The following LUZP2 variants were observed in gnomAD, a reference collection of about 807,000 sequenced individuals.
LUZP2 encodes the protein leucine zipper protein 2.
In LUZP2, 52 loss-of-function variants were observed where a neutral mutation model predicts 51.6. The ratio of observed to expected loss-of-function variants is 1.01; its 90% CI spans 0.81 to 1.27. The LOEUF is 1.27. Ranked by LOEUF, LUZP2 falls within the 50% of genes most tolerant of loss-of-function variation. The pLI is 0.00. For synonymous variants in LUZP2, 154 were observed against 137.3 expected (o/e 1.12, Z -0.85); for missense variants, 436 against 395.4 (o/e 1.10, Z -0.87).
chr11:24,741,525 T>A (rs1362563980), intron 4 of LUZP2, among the ~76,000 whole-genome samples: 1 of 151,898 alleles, frequency 6.6e-6, no homozygotes, highest in Non-Finnish European at 1.5e-5. Context: ...CCAAGCAGTA[T>A]ACACTGCATC....
At chr11:25,058,662 G>A (rs1330728980) in intron 10 of LUZP2, among the ~76,000 whole-genome samples, 1 of 152,180 alleles carries the variant, frequency 6.6e-6, no homozygotes, top group Non-Finnish European at 1.5e-5. Context: ...TATTTGTATT[G>A]TAAATTAAGG....
chr11:24,823,550 A>C (rs1272345427), intron 5 of LUZP2, among the ~76,000 whole-genome samples: 2 of 150,086 alleles, frequency 1.3e-5, no homozygotes, highest in African/African-American at 4.8e-5. Flanking sequence ...TTCATTTGTG[A>C]AGAATGGATT....
chr11:24,892,740 T>C (rs1450201848), intron 5 of LUZP2: 1 of 152,466 alleles, frequency 6.6e-6, no homozygotes, highest in East Asian at 1.9e-4. Flanking sequence ...TTATTTTAAC[T>C]AACATTTTTG....
intron 1 of LUZP2, among the ~76,000 whole-genome samples, chr11:24,691,717 A>T (rs933278360): frequency 6.6e-6 from 1 of 152,084 alleles, no homozygotes; most frequent in African/African-American, 2.4e-5. Flanking sequence ...AAGGAGACTT[A>T]ACAAGTTGTT....
chr11:25,016,692 G>T (rs966895070), intron 9 of LUZP2, among the ~76,000 whole-genome samples: 3 of 151,906 alleles, frequency 2.0e-5, no homozygotes, highest in African/African-American at 7.3e-5. Context: ...CACTTAGTTT[G>T]GTTTCATAGC....
intron 1 of LUZP2, among the ~76,000 whole-genome samples, chr11:24,700,508 T>C (rs1285039828): frequency 2.0e-5 from 3 of 152,150 alleles, no homozygotes; most frequent in Admixed American, 6.6e-5. Context: ...ATCTAACATA[T>C]GTATTTTACG....
chr11:24,533,242 T>A (rs533935107), intron 1 of LUZP2, among the ~76,000 whole-genome samples: 1 of 151,266 alleles, frequency 6.6e-6, no homozygotes, highest in Non-Finnish European at 1.5e-5. Context: ...TTAAGAAGCT[T>A]GATTCAATTC....
At chr11:25,038,279 C>T (rs1330781814) in intron 9 of LUZP2, among the ~76,000 whole-genome samples, 1 of 151,876 alleles carries the variant, frequency 6.6e-6, no homozygotes, top group Non-Finnish European at 1.5e-5. Context: ...AGATTCTTTC[C>T]TCAGCTTGGT....
At chr11:24,996,314 C>T (rs1050829567) in intron 9 of LUZP2, among the ~76,000 whole-genome samples, 1 of 151,194 alleles carries the variant, frequency 6.6e-6, no homozygotes, top group African/African-American at 2.4e-5. Flanking sequence ...CTATCTTTCT[C>T]TCTCTCTCTC....
At chr11:24,822,533 G>A (rs1302002369) in intron 5 of LUZP2, among the ~76,000 whole-genome samples, 1 of 152,070 alleles carries the variant, frequency 6.6e-6, no homozygotes, top group African/African-American at 2.4e-5. Flanking sequence ...TTATAAGAAT[G>A]TCATTACACA....
chr11:24,734,589 A>G (rs1858855963), intron 3 of LUZP2, among the ~76,000 whole-genome samples: 1 of 151,896 alleles, frequency 6.6e-6, no homozygotes, highest in Non-Finnish European at 1.5e-5. Context: ...GGAAGACTCA[A>G]TAAATTATAA....
intron 5 of LUZP2, among the ~76,000 whole-genome samples, chr11:24,885,212 C>T (rs1265725345): frequency 6.6e-6 from 1 of 152,016 alleles, no homozygotes; most frequent in African/African-American, 2.4e-5. Flanking sequence ...GATGTCAAAG[C>T]CCTCAACCTT....
At chr11:24,818,517 G>A (rs1190021464) in intron 5 of LUZP2, among the ~76,000 whole-genome samples, 1 of 151,934 alleles carries the variant, frequency 6.6e-6, no homozygotes, top group East Asian at 1.9e-4. Flanking sequence ...TATCTATGTT[G>A]AAAGCATGCG....
intron 10 of LUZP2, among the ~76,000 whole-genome samples, chr11:25,056,870 G>A (rs1858699689): frequency 6.6e-6 from 1 of 152,156 alleles, no homozygotes; most frequent in Non-Finnish European, 1.5e-5. Flanking sequence ...GGAGCCCAAG[G>A]TGGGCAGATC....
At chr11:25,042,733 G>A (rs796884330) in intron 9 of LUZP2, among the ~76,000 whole-genome samples, 4 of 152,174 alleles carry the variant, frequency 2.6e-5, no homozygotes, top group African/African-American at 9.6e-5. Context: ...GGGGATACCT[G>A]GGCTTGTGGC....
chr11:24,526,144 T>C (rs1488765241), intron 1 of LUZP2, among the ~76,000 whole-genome samples: 3 of 139,348 alleles, frequency 2.2e-5, no homozygotes, highest in African/African-American at 9.1e-5. Flanking sequence ...ACTAAGTTTA[T>C]CTGTTTCTGT....
chr11:24,685,535 G>A (rs1404211521), intron 1 of LUZP2, among the ~76,000 whole-genome samples: 1 of 152,046 alleles, frequency 6.6e-6, no homozygotes, highest in Non-Finnish European at 1.5e-5. Flanking sequence ...CTATGACAAG[G>A]TGAACATTTA....
chr11:25,038,687 A>G (rs2134002702), intron 9 of LUZP2, among the ~76,000 whole-genome samples: 1 of 152,300 alleles, frequency 6.6e-6, no homozygotes, highest in South Asian at 2.1e-4. Flanking sequence ...ATTGCTGTGG[A>G]GCTAGTGAGC....
chr11:24,778,188 T>C (rs1024740443), intron 5 of LUZP2, among the ~76,000 whole-genome samples: 1 of 151,860 alleles, frequency 6.6e-6, no homozygotes, highest in Admixed American at 6.6e-5. Flanking sequence ...AATGCTTGAG[T>C]CCAAGAATTT....
Sources: gnomAD v4.1 joint callset for allele counts (sites outside exome capture counted in the v4.1 genomes callset) on GRCh38, gnomAD v4.1.1 for gene constraint, MANE v1.5 for transcripts, NCBI Gene and HGNC (gene_info 2026-07-23, HGNC 2026-07-21) for gene names.